SP140: variants seen among roughly 807,000 people sequenced by gnomAD.
SP140 encodes the protein SP140 nuclear body protein, also known as nuclear body protein SP140.
Under a neutral mutation model 125.0 loss-of-function variants are expected in SP140, and 81 were observed. That is an observed-to-expected ratio of 0.65 (90% CI 0.54 to 0.78). The LOEUF (loss-of-function observed/expected upper bound fraction) is 0.78, where lower values mean the gene tolerates loss of function less well. Among genes scored for constraint, SP140 ranks in the 30% least tolerant of loss-of-function variants. The probability of loss-of-function intolerance (pLI) is 0.00; values close to 1 mark genes in which losing one functional copy is unlikely to be tolerated. For synonymous variants in SP140, 312 were observed against 354.0 expected (o/e 0.88, Z 1.33); for missense variants, 858 against 1,037.0 (o/e 0.83, Z 2.37).
At chr2:230,297,299 C>G in intron 21 of SP140, 122 bp from the exon 22 acceptor site, 3 of 1,213,264 alleles carry the variant, frequency 2.5e-6, no homozygotes, top group South Asian at 1.5e-5. Context: ...TTCTCTCTTC[C>G]CAATTATTTT....
intron 22 of SP140, among the ~76,000 whole-genome samples, chr2:230,308,420 A>G (rs537672107): frequency 1.3e-5 from 2 of 152,182 alleles, no homozygotes; most frequent in African/African-American, 2.4e-5. Context: ...AGGATTCGAC[A>G]TACTTAAACA....
At chr2:230,246,028 T>C in intron 7 of SP140, 88 bp downstream of exon 7, 1 of 735,074 alleles carries the variant, frequency 1.4e-6, no homozygotes, top group Admixed American at 2.0e-5. Context: ...CCCCCATCTA[T>C]TCATGTATTC....
intron 22 of SP140, 85 bp downstream of exon 22, chr2:230,297,547 T>G: frequency 6.7e-7 from 1 of 1,484,344 alleles, no homozygotes. Context: ...TGCTGTTGCC[T>G]GAATCATGTT....
chr2:230,198,101 A>G, the SP140 span, among the ~76,000 whole-genome samples: 2 of 141,190 alleles, frequency 1.4e-5, no homozygotes, highest in African/African-American at 5.5e-5. Context: ...TCTCTGTAGG[A>G]CAATAGGACC....
chr2:230,282,244 A>G (rs1296264304), intron 15 of SP140, among the ~76,000 whole-genome samples: 1 of 152,156 alleles, frequency 6.6e-6, no homozygotes, highest in African/African-American at 2.4e-5. Context: ...GATGTTCTCT[A>G]CTTTATACTG....
chr2:230,202,807 C>G, upstream of SP140: 1 of 1,332,120 alleles, frequency 7.5e-7, no homozygotes, highest in Non-Finnish European at 1.1e-6. Context: ...AGTGACTTCC[C>G]TTCTCATGCC....
At chr2:230,201,956 A>G (rs1280713657), upstream of SP140, among the ~76,000 whole-genome samples, 1 of 152,214 alleles carries the variant, frequency 6.6e-6, no homozygotes, top group Non-Finnish European at 1.5e-5. Context: ...TTTAAACTAG[A>G]TATCTGTGTA....
chr2:230,275,823 A>C (rs1418991897), intron 15 of SP140, among the ~76,000 whole-genome samples: 1 of 152,208 alleles, frequency 6.6e-6, no homozygotes, highest in Non-Finnish European at 1.5e-5. Context: ...ACGAATAATA[A>C]GAAAGTAGAA....
At chr2:230,250,418 T>A (rs1014215769) in intron 9 of SP140, among the ~76,000 whole-genome samples, 4 of 152,132 alleles carry the variant, frequency 2.6e-5, no homozygotes, top group Admixed American at 2.6e-4. Context: ...TGATCTTTCT[T>A]TTATATGTGG....
rs369421172 is a variant in SP140 at position 230,253,315 on chromosome 2, G to C, written c.1058-1G>C. On this transcript the variant is annotated splice_acceptor_variant, in intron 10 of 26. Transcript: ENST00000392045. LOFTEE classifies it high-confidence loss of function. ...CCAAGTCACCCTCTGTGGTCTGTCA[G>C]TTTCTTGTTTATCTGCAGAGACCTT... 6 of 1,605,878 alleles carry C rather than the reference G, an allele frequency of 3.7e-6. No homozygotes were observed. The African/African-American group carries it at 4.0e-5, about 11-fold the overall frequency.
chr2:230,289,157 A>G (rs1306227765), intron 18 of SP140, among the ~76,000 whole-genome samples: 2 of 152,188 alleles, frequency 1.3e-5, no homozygotes, highest in East Asian at 1.9e-4. Context: ...AATGATTGCC[A>G]TTCTAACTGG....
chr2:230,195,874 A>AT, the SP140 span, among the ~76,000 whole-genome samples: 3 of 152,216 alleles, frequency 2.0e-5, no homozygotes, highest in Admixed American at 6.5e-5. Flanking sequence ...TAGCATATAG[A>AT]AGGTTAATAT....
At chr2:230,239,105 G>A in intron 3 of SP140, 1 of 1,262,370 alleles carries the variant, frequency 7.9e-7, no homozygotes, top group East Asian at 2.8e-5. Context: ...TGAAGAATGG[G>A]ATGTGTTGAT....
At chr2:230,243,872 C>A in intron 5 of SP140, 61 bp downstream of exon 5, 1 of 1,151,160 alleles carries the variant, frequency 8.7e-7, no homozygotes, top group Admixed American at 1.7e-5. Flanking sequence ...GAATTCAGAG[C>A]TGGTGTTTCC....
intron 21 of SP140, 63 bp from the exon 22 acceptor site, chr2:230,297,358 A>G (rs922757505): frequency 1.2e-5 from 18 of 1,561,664 alleles, no homozygotes; most frequent in South Asian, 1.1e-4. Context: ...TTAAATTTAA[A>G]TAAGTGATAG....
intron 12 of SP140, among the ~76,000 whole-genome samples, chr2:230,258,760 A>T (rs2051683185): frequency 6.6e-6 from 1 of 152,252 alleles, no homozygotes; most frequent in Non-Finnish European, 1.5e-5. Flanking sequence ...TTTAAAATAG[A>T]TGATTCTGAT....
At position 230,253,325 on chromosome 2, in the gene SP140, T is replaced by TAC. The variant is rs752245497; in HGVS notation, c.1068_1069insCA (p.Ser357HisfsTer8). 1 of 1,610,330 alleles carries TAC rather than the reference T, an allele frequency of 6.2e-7. No homozygotes were observed. The highest frequency in any genetic ancestry group is 1.3e-5 in the African/African-American group (1 of 74,906). ...CTCTGTGGTCTGTCAGTTTCTTGTTTATCTGCAGAGACCTTTGATCTAAAG... is the reference window on the plus strand; with the variant it reads ...CTCTGTGGTCTGTCAGTTTCTTGTTTACATCTGCAGAGACCTTTGATCTAAAG... On this transcript the variant is annotated frameshift_variant, in exon 11 of 27. Coordinates refer to ENST00000392045, the MANE Select transcript of SP140 (RefSeq NM_007237.5). LOFTEE classifies it high-confidence loss of function.
upstream of SP140, among the ~76,000 whole-genome samples, chr2:230,224,297 A>G (rs2046062593): frequency 6.6e-6 from 1 of 152,120 alleles, no homozygotes; most frequent in Non-Finnish European, 1.5e-5. Context: ...GGGCAGAGAG[A>G]AGAGAGAGAG....
chr2:230,299,237 T>G (rs2058056485), intron 22 of SP140, among the ~76,000 whole-genome samples: 1 of 152,142 alleles, frequency 6.6e-6, no homozygotes, highest in African/African-American at 2.4e-5. Context: ...CCGCAAACTC[T>G]GGGAGATAGC....
Sources: gnomAD v4.1 joint callset for allele counts (sites outside exome capture counted in the v4.1 genomes callset) on GRCh38, gnomAD v4.1.1 for gene constraint, MANE v1.5 for transcripts, NCBI Gene and HGNC (gene_info 2026-07-23, HGNC 2026-07-21) for gene names.